The following MAPK10 variants were observed in gnomAD, a reference collection of about 807,000 sequenced individuals.
MAPK10 encodes mitogen-activated protein kinase 10.
A neutral mutation model predicts 59.3 loss-of-function variants in MAPK10; 25 were observed. That is an observed-to-expected ratio of 0.42 (90% CI 0.31 to 0.59). The LOEUF is 0.59. Among genes scored for constraint, MAPK10 ranks in the 20% least tolerant of loss-of-function variants. MAPK10 has a pLI of 0.15. For missense variants in MAPK10, 351 were observed against 568.9 expected (o/e 0.62, Z 3.90); for synonymous variants, 190 against 200.5 (o/e 0.95, Z 0.44).
chr4:86,172,034 A>G (rs2074343243), intron 3 of MAPK10, among the ~76,000 whole-genome samples: 1 of 141,350 alleles, frequency 7.1e-6, no homozygotes, highest in South Asian at 2.2e-4. Context: ...ATACCATCTC[A>G]CACCAGTTAG....
chr4:86,242,370 T>C (rs761270579), intron 2 of MAPK10, among the ~76,000 whole-genome samples: 1 of 152,146 alleles, frequency 6.6e-6, no homozygotes, highest in African/African-American at 2.4e-5. Context: ...TGAAGCTCTT[T>C]GTCCCTTGAT....
intron 11 of MAPK10, among the ~76,000 whole-genome samples, chr4:86,039,270 G>A (rs2040990679): frequency 6.6e-6 from 1 of 152,174 alleles, no homozygotes; most frequent in South Asian, 2.1e-4. Flanking sequence ...AAGAAAAGAT[G>A]CACTGGAGAG....
chr4:86,314,025 A>T (rs1021566492), intron 2 of MAPK10, among the ~76,000 whole-genome samples: 2 of 25,598 alleles, frequency 7.8e-5, no homozygotes, highest in Non-Finnish European at 2.7e-4. Flanking sequence ...CTACAGCCAC[A>T]AAAAAACAGC....
At chr4:86,311,615 T>A (rs1423252863) in intron 2 of MAPK10, among the ~76,000 whole-genome samples, 1 of 152,096 alleles carries the variant, frequency 6.6e-6, no homozygotes, top group Non-Finnish European at 1.5e-5. Context: ...CCAAGTATGA[T>A]GGTAGAAATG....
chr4:86,407,041 C>G (rs1398463561), intron 1 of MAPK10, among the ~76,000 whole-genome samples: 1 of 152,148 alleles, frequency 6.6e-6, no homozygotes, highest in African/African-American at 2.4e-5. Flanking sequence ...GAATGAATCT[C>G]TGGTATGGCC....
In MAPK10 at chr4:86,535,485, A is replaced by C. The variant is rs112730392; in HGVS notation, c.-263+58425T>G. On this transcript the variant is annotated intron_variant, in intron 1 of 4. Coordinates refer to the MAPK10 transcript ENST00000502302. The stretch of plus-strand genomic sequence containing the variant: ...CGGTGTCGCTATTGTAGCTCACTGC[A>C]GCCCTAAACTCTTGGGCTCAAGTAA... Among the ~76,000 whole-genome samples the C allele has an allele frequency of 1.4e-3, 209 of 152,304 alleles. 2 individuals are homozygous for C. Among genetic ancestry groups the C allele is most frequent in the African/African-American group, 4.5e-3 (189 of 41,554 alleles).
At chr4:86,423,738 G>A (rs1746836698) in intron 1 of MAPK10, among the ~76,000 whole-genome samples, 1 of 141,524 alleles carries the variant, frequency 7.1e-6, no homozygotes, top group East Asian at 2.1e-4. Flanking sequence ...TGGAATGAGG[G>A]CTGCATATAA....
chr4:86,177,471 T>C (rs1242498085), intron 3 of MAPK10, among the ~76,000 whole-genome samples: 2 of 152,246 alleles, frequency 1.3e-5, no homozygotes. Flanking sequence ...ATTTTCAAAG[T>C]CTTTGAAATA....
At chr4:86,375,713 TAAAAAAAA>T (rs56189009) in intron 1 of MAPK10, among the ~76,000 whole-genome samples, 125 of 33,330 alleles carry the variant, frequency 3.8e-3, no homozygotes, top group African/African-American at 0.016. Context: ...AGGTCCACTC[TAAAAAAAA>T]AAAAAAAAAA....
At chr4:86,482,610 C>A (rs1007301389) in intron 1 of MAPK10, among the ~76,000 whole-genome samples, 2 of 152,102 alleles carry the variant, frequency 1.3e-5, no homozygotes, top group South Asian at 4.1e-4. Flanking sequence ...TGCCTCTTCC[C>A]ATAAGCACTG....
chr4:86,370,216 A>G (rs912942591), intron 1 of MAPK10, among the ~76,000 whole-genome samples: 2 of 152,166 alleles, frequency 1.3e-5, no homozygotes, highest in African/African-American at 2.4e-5. Context: ...AGCACTATAG[A>G]ACTAATAATA....
chr4:86,553,657 T>G (rs1470872304), intron 1 of MAPK10, among the ~76,000 whole-genome samples: 2 of 152,086 alleles, frequency 1.3e-5, no homozygotes, highest in Non-Finnish European at 2.9e-5. Context: ...GGTGAAGGAC[T>G]CAAACTTGGA....
chr4:86,370,314 A>G (rs1273342231), intron 1 of MAPK10, among the ~76,000 whole-genome samples: 1 of 152,188 alleles, frequency 6.6e-6, no homozygotes, highest in Non-Finnish European at 1.5e-5. Context: ...TTTCCCAGAT[A>G]AAATTCAGCC....
At chr4:86,169,509 A>C (rs1283444526) in intron 3 of MAPK10, among the ~76,000 whole-genome samples, 1 of 152,206 alleles carries the variant, frequency 6.6e-6, no homozygotes, top group East Asian at 1.9e-4. Context: ...AGGGAAGTTT[A>C]GAGAAAAAAG....
intron 4 of MAPK10, among the ~76,000 whole-genome samples, chr4:86,116,212 AAAG>A (rs1449746620): frequency 6.6e-6 from 1 of 152,178 alleles, no homozygotes; most frequent in Non-Finnish European, 1.5e-5. Context: ...GCCAAATAAG[AAAG>A]TACCTTTCCA....
At chr4:86,022,577 T>C (rs1747806949) in intron 13 of MAPK10, among the ~76,000 whole-genome samples, 1 of 152,182 alleles carries the variant, frequency 6.6e-6, no homozygotes, top group African/African-American at 2.4e-5. Context: ...TAGTCATGTT[T>C]CACTGTATCC....
At chr4:86,416,373 A>G (rs927334907) in intron 1 of MAPK10, among the ~76,000 whole-genome samples, 10 of 152,242 alleles carry the variant, frequency 6.6e-5, no homozygotes, top group Non-Finnish European at 1.5e-5. Flanking sequence ...GCCTGAGCAG[A>G]CTGACACAAG....
At chr4:86,560,380 T>C (rs1017969133) in intron 1 of MAPK10, among the ~76,000 whole-genome samples, 3 of 152,214 alleles carry the variant, frequency 2.0e-5, no homozygotes, top group African/African-American at 7.2e-5. Flanking sequence ...AATGGAAATA[T>C]GCTGTATTTG....
At position 86,135,268 on chromosome 4, in the gene MAPK10, G is replaced by A. The variant is rs1414055260; in HGVS notation, c.236+24030C>T. Among the ~76,000 whole-genome samples the A allele has an allele frequency of 1.3e-4, 20 of 152,322 alleles. No individual in the cohort carries two copies. The East Asian group carries it at 3.7e-3, about 28-fold the overall frequency. On this transcript the variant is annotated intron_variant, in intron 4 of 13. Coordinates refer to ENST00000641462, the MANE Select transcript of MAPK10 (RefSeq NM_138982.4). ...AAACAAAAAGCCAGCAGTAACCTCT[G>A]CAGACTTAAATGTCCCTGTCTGACA...
Sources: gnomAD v4.1 joint callset for allele counts (sites outside exome capture counted in the v4.1 genomes callset) on GRCh38, gnomAD v4.1.1 for gene constraint, MANE v1.5 for transcripts, NCBI Gene and HGNC (gene_info 2026-07-23, HGNC 2026-07-21) for gene names.